Variants in SYN3 observed in about 807,000 individuals in gnomAD.
The protein encoded by SYN3 is synapsin III, also known as synapsin-3.
A neutral mutation model predicts 65.8 loss-of-function variants in SYN3; 35 were observed. The observed-to-expected ratio is 0.53, with a 90% CI of 0.41 to 0.70. The LOEUF (loss-of-function observed/expected upper bound fraction) is 0.70, where lower values mean the gene tolerates loss of function less well. SYN3 is among the 30% of genes least tolerant of loss of function. The pLI is 0.00. For synonymous variants in SYN3, 270 were observed against 292.9 expected (o/e 0.92, Z 0.80); for missense variants, 680 against 749.0 (o/e 0.91, Z 1.08).
rs149950107 is a variant in SYN3, at chr22:33,041,712, A to G, written c.-163+16580T>C. On this transcript the variant is annotated intron_variant, in intron 1 of 13. Transcript: ENST00000358763. ...TGCCATGCATGTCATGCCTCTGCAC[A>G]TGCTGTGTCTGCTTCCTGGAATGCC... Among the ~76,000 whole-genome samples the G allele has an allele frequency of 5.3e-5, 8 of 152,262 alleles. No individual in the cohort carries two copies. The East Asian group carries it at 1.4e-3, about 26-fold the overall frequency.
At chr22:33,013,371 G>C (rs182020167) in intron 1 of SYN3, among the ~76,000 whole-genome samples, 1 of 152,266 alleles carries the variant, frequency 6.6e-6, no homozygotes, top group East Asian at 1.9e-4. Context: ...TTCACTTGGG[G>C]CAGGACTTTT....
At chr22:32,965,094 G>A (rs886451182) in intron 3 of SYN3, among the ~76,000 whole-genome samples, 2 of 152,154 alleles carry the variant, frequency 1.3e-5, no homozygotes, top group Admixed American at 6.5e-5. Context: ...GTGTCGCCTC[G>A]GGCAGGACAC....
At chr22:33,032,646 AT>A (rs947071585) in intron 1 of SYN3, among the ~76,000 whole-genome samples, 47 of 149,840 alleles carry the variant, frequency 3.1e-4, no homozygotes, top group East Asian at 3.9e-4. Context: ...ATCCTGTTAA[AT>A]TTTTTTTTTT....
intron 7 of SYN3, among the ~76,000 whole-genome samples, chr22:32,564,555 C>T (rs1262504665): frequency 7.9e-5 from 12 of 152,192 alleles, no homozygotes; most frequent in African/African-American, 2.9e-4. Context: ...TGCTCCCGGA[C>T]TGTACACAAA....
chr22:32,899,214 G>A (rs967881142), intron 4 of SYN3, among the ~76,000 whole-genome samples: 5 of 152,196 alleles, frequency 3.3e-5, no homozygotes, highest in African/African-American at 1.2e-4. Flanking sequence ...GAATCCTAGC[G>A]GGTGGTTCAC....
chr22:32,769,306 G>A (rs2045706548), intron 6 of SYN3, among the ~76,000 whole-genome samples: 1 of 152,022 alleles, frequency 6.6e-6, no homozygotes. Flanking sequence ...GGTCATCAAT[G>A]ACCTCCATGT....
intron 6 of SYN3, among the ~76,000 whole-genome samples, chr22:32,648,692 G>A (rs774210223): frequency 3.3e-5 from 5 of 152,210 alleles, no homozygotes; most frequent in Non-Finnish European, 5.9e-5. Context: ...TTCATTAGCT[G>A]TAAAATGGGA....
intron 6 of SYN3, among the ~76,000 whole-genome samples, chr22:32,825,252 G>A (rs1318451217): frequency 6.6e-6 from 1 of 152,176 alleles, no homozygotes; most frequent in African/African-American, 2.4e-5. Context: ...GTGGCCAGCT[G>A]ATGGCTGGCG....
At chr22:32,708,888 G>A (rs1207313662) in intron 6 of SYN3, among the ~76,000 whole-genome samples, 1 of 152,238 alleles carries the variant, frequency 6.6e-6, no homozygotes. Flanking sequence ...TGATGACTCC[G>A]TGCGGAAGGA....
At chr22:33,051,801 G>A (rs1005995174) in intron 1 of SYN3, among the ~76,000 whole-genome samples, 4 of 152,206 alleles carry the variant, frequency 2.6e-5, no homozygotes, top group East Asian at 3.9e-4. Context: ...GGACTGAGCC[G>A]GAGTGCTCTA....
intron 6 of SYN3, among the ~76,000 whole-genome samples, chr22:32,751,593 G>A (rs1211808247): frequency 6.6e-6 from 1 of 152,196 alleles, no homozygotes; most frequent in African/African-American, 2.4e-5. Flanking sequence ...GTTTCTGGTG[G>A]TGACCTTGGC....
chr22:32,840,924 C>T (rs2047882147), intron 6 of SYN3, among the ~76,000 whole-genome samples: 1 of 152,194 alleles, frequency 6.6e-6, no homozygotes, highest in African/African-American at 2.4e-5. Context: ...CTCTCTATCC[C>T]TGTATACGTC....
At position 32,511,978 on chromosome 22, in the gene SYN3, C is replaced by T. The variant is rs983516090; in HGVS notation, c.*1714G>A. Among the ~76,000 whole-genome samples, 7 of 152,172 alleles carry T rather than the reference C, an allele frequency of 4.6e-5. No individual in the cohort carries two copies. Among genetic ancestry groups the T allele is most frequent in the Admixed American group, 1.3e-4 (2 of 15,278 alleles). ...GGCTTTCTGGCAGCCAGGTGCACAGCTAGCACTTTCAATACTGACCCAGTC... is the reference window on the plus strand; with the variant it reads ...GGCTTTCTGGCAGCCAGGTGCACAGTTAGCACTTTCAATACTGACCCAGTC... On this transcript the variant is annotated 3_prime_UTR_variant, in exon 14 of 14. Coordinates refer to ENST00000358763, the MANE Select transcript of SYN3 (RefSeq NM_003490.4).
intron 7 of SYN3, among the ~76,000 whole-genome samples, chr22:32,558,260 A>G (rs1023418706): frequency 3.3e-5 from 5 of 152,226 alleles, no homozygotes; most frequent in African/African-American, 1.2e-4. Context: ...AATGTTACTG[A>G]AGCTCAGAAA....
chr22:33,041,125 G>A (rs1454583005), intron 1 of SYN3, among the ~76,000 whole-genome samples: 1 of 151,820 alleles, frequency 6.6e-6, no homozygotes, highest in African/African-American at 2.4e-5. Flanking sequence ...CACCATGTTG[G>A]CCAGGATGGT....
At chr22:32,641,639 G>A (rs1169750623) in intron 6 of SYN3, among the ~76,000 whole-genome samples, 1 of 149,252 alleles carries the variant, frequency 6.7e-6, no homozygotes, top group Non-Finnish European at 1.5e-5. Flanking sequence ...AATTGCCTAG[G>A]GCTGTTGGGG....
At chr22:32,655,687 C>T (rs1164255468) in intron 6 of SYN3, among the ~76,000 whole-genome samples, 1 of 152,182 alleles carries the variant, frequency 6.6e-6, no homozygotes, top group Non-Finnish European at 1.5e-5. Flanking sequence ...TGTCTCCCAT[C>T]ACCCCCAGAT....
At chr22:32,875,595 G>C (rs1012050718) in intron 4 of SYN3, among the ~76,000 whole-genome samples, 2 of 152,216 alleles carry the variant, frequency 1.3e-5, no homozygotes, top group African/African-American at 4.8e-5. Context: ...CACTGGAGGA[G>C]AGTGAACCCT....
intron 6 of SYN3, among the ~76,000 whole-genome samples, chr22:32,627,444 GCAGGTCACAC>G (rs2059684429): frequency 6.6e-6 from 1 of 152,066 alleles, no homozygotes; most frequent in Admixed American, 6.6e-5. Flanking sequence ...CACACTCACG[GCAGGTCACAC>G]CACACATCTG....
Sources: gnomAD v4.1 joint callset for allele counts (sites outside exome capture counted in the v4.1 genomes callset) on GRCh38, gnomAD v4.1.1 for gene constraint, MANE v1.5 for transcripts, NCBI Gene and HGNC (gene_info 2026-07-23, HGNC 2026-07-21) for gene names.